The following PRAMEF12 variants were observed in gnomAD, a reference collection of about 807,000 sequenced individuals.
PRAMEF12 encodes PRAME family member 12.
In PRAMEF12, 24 loss-of-function variants were observed where a neutral mutation model predicts 24.6. The ratio of observed to expected loss-of-function variants is 0.98; its 90% CI spans 0.71 to 1.37. The LOEUF is 1.37. Ranked by LOEUF, PRAMEF12 falls within the 40% of genes most tolerant of loss-of-function variation. The pLI is 0.00. For synonymous variants in PRAMEF12, 286 were observed against 242.6 expected, an observed-to-expected ratio of 1.18 and a Z score of -1.66; for missense variants, 646 against 580.3, an observed-to-expected ratio of 1.11 and a Z score of -1.16.
chr1:12,777,538 C>T lies in PRAMEF12; in HGVS notation c.1391C>T (p.Ser464Phe). The T allele has an allele frequency of 6.2e-7, 1 of 1,614,124 alleles. No individual in the cohort carries two copies. Among genetic ancestry groups the T allele is most frequent in the Non-Finnish European group, 8.5e-7 (1 of 1,180,010 alleles). Residue 464 changes from serine (S) to phenylalanine (F), a missense_variant, in exon 3 of 3, where the codon TCC becomes TTC. By Grantham distance (155) the Ser-to-Phe change is radical. Transcript: ENST00000357726. ...VPCPRCGIRA[S>F]YDLEPSHCLL... ...TGCCCTCGCTGTGGCATCAGGGCCT[C>T]CTATGACCTGGAGCCCAGTCACTGT... is the stretch of plus-strand genomic sequence containing the variant.
At position 12,777,130 on chromosome 1, in the gene PRAMEF12, G is replaced by A. The variant is rs1210973760; in HGVS notation, c.983G>A (p.Gly328Asp). 6.2e-7 allele frequency: 1 copy of A among 1,613,946 alleles called. No individual in the cohort carries two copies. Among genetic ancestry groups the A allele is most frequent in the Non-Finnish European group, 8.5e-7 (1 of 1,180,012 alleles). ...IRQLKELDLR[G>D]ITLTHFSPEP... is the part of the protein sequence containing the mutation. ...CAGCTAAAAGAGCTAGACCTGAGGG[G>A]CATCACACTGACCCATTTCAGTCCT... is the stretch of plus-strand genomic sequence containing the variant. Residue 328 changes from glycine (G) to aspartate (D), a missense_variant, in exon 3 of 3, where the codon GGC (glycine) becomes GAC (aspartate). By Grantham distance (94) the Gly-to-Asp change is moderately conservative. Coordinates refer to ENST00000357726, the MANE Select transcript of PRAMEF12 (RefSeq NM_001080830.5).
chr1:12,777,668 A>G lies in PRAMEF12; in HGVS notation c.*69A>G. On this transcript the variant is annotated 3_prime_UTR_variant, in exon 3 of 3. Coordinates refer to ENST00000357726, the MANE Select transcript of PRAMEF12 (RefSeq NM_001080830.5). ...TGTATGTCAAAGGGAGCACAGACCC[A>G]TCGTTTCATATGCCTGCTCAATGTG... The G allele has an allele frequency of 6.5e-7, 1 of 1,532,770 alleles. No homozygotes were observed. Among genetic ancestry groups the G allele is most frequent in the East Asian group, 2.3e-5 (1 of 44,318 alleles). The allele number at this position is 1,532,770 out of a possible 1,614,324, so 94.9% of individuals were successfully genotyped here. A position where few individuals can be genotyped will look rare whatever the true frequency, so the allele number is the denominator to read the frequency against.
In PRAMEF12 at chr1:12,775,946, A is replaced by G. The variant is rs202183364; in HGVS notation, c.691A>G (p.Asn231Asp). 6.2e-7 allele frequency: 1 copy of G among 1,614,014 alleles called. No homozygotes were observed. The highest frequency in any genetic ancestry group is 2.2e-5 in the East Asian group (1 of 44,866). ...CGCCCCTTACCTGGGCCAGATGAGG[A>G]ATCTCCGCAAACTTGTTCTCTTCAA... Reference protein sequence around the residue: ...RFAPYLGQMRNLRKLVLFNIH... With the variant: ...RFAPYLGQMRDLRKLVLFNIH... Residue 231 changes from asparagine (N) to aspartate (D), a missense_variant, in exon 2 of 3, where the codon AAT becomes GAT. Physicochemically the swap from Asn to Asp is conservative, Grantham distance 23 (BLOSUM62 1). Coordinates refer to ENST00000357726, the MANE Select transcript of PRAMEF12 (RefSeq NM_001080830.5).
At position 12,776,031 on chromosome 1, in the gene PRAMEF12, C is replaced by A; in HGVS notation, c.776C>A (p.Thr259Asn). 1.2e-6 allele frequency: 2 copies of A among 1,614,184 alleles called. No individual in the cohort carries two copies. Among genetic ancestry groups the A allele is most frequent in the Non-Finnish European group, 1.7e-6 (2 of 1,180,026 alleles). The stretch of plus-strand genomic sequence containing the variant: ...AAGGAGCAGTTTGTCATCCAGTTCA[C>A]CTCTCAGTTCCTCAAGCTGGACTAC... ...DRKEQFVIQF[T>N]SQFLKLDYFQ... The change falls in exon 2 of 3, where the codon ACC (threonine) becomes AAC (asparagine). Residue 259 changes from threonine to asparagine, a missense_variant. Transcript: ENST00000357726.
intron 2 of PRAMEF12, among the ~76,000 whole-genome samples, chr1:12,776,324 G>A (rs1356715490): frequency 6.6e-6 from 1 of 152,066 alleles, no homozygotes. Flanking sequence ...GGATCTCCTG[G>A]GCTAGATGCT....
At chr1:12,775,477 T>G in intron 1 of PRAMEF12, 66 bp from the exon 2 acceptor site, 1 of 1,430,716 alleles carries the variant, frequency 7.0e-7, no homozygotes, top group Non-Finnish European at 9.6e-7. Context: ...GTCGCTGATG[T>G]CCGGGATGTG....
chr1:12,776,783 T>C (rs528549599), intron 2 of PRAMEF12, among the ~76,000 whole-genome samples: 1 of 152,150 alleles, frequency 6.6e-6, no homozygotes, highest in South Asian at 2.1e-4. Context: ...ACCTGACACA[T>C]GAGGAAAGGG....
rs143218621 is a variant in PRAMEF12, at chr1:12,775,723, G to A, written c.468G>A (p.Gly156=). The change falls in exon 2 of 3, where the codon GGG becomes GGA. Residue 156 remains glycine, a synonymous_variant. Coordinates refer to ENST00000357726, the MANE Select transcript of PRAMEF12 (RefSeq NM_001080830.5). ...TCCTAGACCTTTGCTTCAAGAATGG[G>A]ACGCTGGATGAATGCCTCACCCACT... ...MVILDLCFKN[G]TLDECLTHFL... 2.6e-4 allele frequency: 426 copies of A among 1,613,858 alleles called. 2 individuals are homozygous for A. In the African/African-American group the frequency reaches 4.6e-3, roughly 17 times the overall value.
rs1639079454 is a variant in PRAMEF12, at chr1:12,777,753, C to A, written c.*154C>A. The A allele has an allele frequency of 1.2e-6, 1 of 811,980 alleles. No individual in the cohort carries two copies. Among genetic ancestry groups the A allele is most frequent in the Non-Finnish European group, 1.9e-6 (1 of 518,086 alleles). The allele number at this position is 811,980 out of a possible 1,614,324, so 50.3% of individuals were successfully genotyped here. ...ACTGGGGGAAAAGTTGAGTTGGAGT[C>A]AATAGGAGCTTTAGAGACCTGTGTC... On this transcript the variant is annotated 3_prime_UTR_variant, in exon 3 of 3. Transcript: ENST00000357726.
At position 12,775,884 on chromosome 1, in the gene PRAMEF12, T is replaced by A. The variant is rs1462262971; in HGVS notation, c.629T>A (p.Val210Glu). The A allele has an allele frequency of 3.1e-6, 5 of 1,613,920 alleles. No individual in the cohort carries two copies. The African/African-American group carries it at 6.7e-5, about 22-fold the overall frequency. The change falls in exon 2 of 3, where the codon GTG becomes GAG. Residue 210 changes from valine to glutamate, a missense_variant. By Grantham distance (121) the Val-to-Glu change is moderately radical. Coordinates refer to ENST00000357726, the MANE Select transcript of PRAMEF12 (RefSeq NM_001080830.5). The stretch of plus-strand genomic sequence containing the variant: ...CTAGACTGTATCCAGGAGGTGGAAG[T>A]GTGCTGCCCGTGGGAGCTGTCCATT... Reference protein sequence around the residue: ...VELDCIQEVEVCCPWELSILI... With the variant: ...VELDCIQEVEECCPWELSILI...
rs1417725663 is a variant in PRAMEF12 at position 12,775,926 on chromosome 1, C to A, written c.671C>A (p.Pro224His). The A allele has an allele frequency of 1.3e-5, 21 of 1,614,136 alleles. No homozygotes were observed. In the East Asian group the frequency reaches 4.0e-4, roughly 31 times the overall value. The change falls in exon 2 of 3, where the codon CCT (proline) becomes CAT (histidine). Residue 224 changes from proline to histidine, a missense_variant. Coordinates refer to ENST00000357726, the MANE Select transcript of PRAMEF12 (RefSeq NM_001080830.5). ...WELSILIRFA[P>H]YLGQMRNLRK... ...CTGTCCATTCTTATAAGGTTCGCCC[C>A]TTACCTGGGCCAGATGAGGAATCTC... is the stretch of plus-strand genomic sequence containing the variant.
chr1:12,776,412 A>G (rs770364481), intron 2 of PRAMEF12, among the ~76,000 whole-genome samples: 1 of 152,050 alleles, frequency 6.6e-6, no homozygotes, highest in Admixed American at 6.6e-5. Context: ...CCTCCCGAGG[A>G]TGTGTGTCTA....
intron 1 of PRAMEF12, 75 bp from the exon 2 acceptor site, chr1:12,775,468 T>A: frequency 7.4e-7 from 1 of 1,344,112 alleles, no homozygotes; most frequent in Non-Finnish European, 1.0e-6. Context: ...GGGAGGAGAG[T>A]CGCTGATGTC....
In PRAMEF12 at chr1:12,775,787, G is replaced by A. The variant is rs140215251; in HGVS notation, c.532G>A (p.Val178Met). The A allele has an allele frequency of 4.5e-5, 73 of 1,613,912 alleles. No individual in the cohort carries two copies. The African/African-American group carries it at 7.6e-4, about 17-fold the overall frequency. ...WGKQRKGLLH[V>M]CCKELQIFGI... is the part of the protein sequence containing the mutation. The stretch of plus-strand genomic sequence containing the variant: ...CAAGCAGAGAAAAGGCTTACTGCAC[G>A]TGTGTTGCAAGGAGCTGCAGATTTT... Residue 178 changes from valine to methionine, a missense_variant, in exon 2 of 3, where the codon GTG (valine) becomes ATG (methionine). By Grantham distance (21) the Val-to-Met change is conservative. Transcript: ENST00000357726.
In PRAMEF12 at chr1:12,775,695, T is replaced by G. The variant is rs751549144; in HGVS notation, c.440T>G (p.Val147Gly). The change falls in exon 2 of 3, where the codon GTG (valine) becomes GGG (glycine). Residue 147 changes from valine to glycine, a missense_variant. Coordinates refer to ENST00000357726, the MANE Select transcript of PRAMEF12 (RefSeq NM_001080830.5). ...PRPGGQQPLM[V>G]ILDLCFKNGT... ...CCGGGTGGGCAGCAGCCCTTGATGGTGATCCTAGACCTTTGCTTCAAGAAT... is the reference window on the plus strand; with the variant it reads ...CCGGGTGGGCAGCAGCCCTTGATGGGGATCCTAGACCTTTGCTTCAAGAAT... 4.3e-6 allele frequency: 7 copies of G among 1,613,860 alleles called. No homozygotes were observed. In the South Asian group the frequency reaches 7.7e-5, roughly 18 times the overall value.
Position 12,777,269 on chromosome 1 carries a change from C to T in PRAMEF12, c.1122C>T (p.Arg374=), listed in dbSNP as rs761680672. ...QLSAILPALS[R]CSQLSTFSFC... ...GCGCCATCCTGCCTGCCCTGAGCCGCTGCTCCCAGCTCAGCACCTTCAGCT... is the reference window on the plus strand; with the variant it reads ...GCGCCATCCTGCCTGCCCTGAGCCGTTGCTCCCAGCTCAGCACCTTCAGCT... Residue 374 remains arginine, a synonymous_variant, in exon 3 of 3, where the codon CGC becomes CGT. Transcript: ENST00000357726. 37 of 1,612,394 alleles carry T rather than the reference C, an allele frequency of 2.3e-5. No individual in the cohort carries two copies. The highest frequency in any genetic ancestry group is 3.0e-5 in the Non-Finnish European group (35 of 1,179,910).
chr1:12,775,785 A>G lies in PRAMEF12; in HGVS notation c.530A>G (p.His177Arg). The G allele has an allele frequency of 6.2e-7, 1 of 1,613,858 alleles. No homozygotes were observed. ...EWGKQRKGLLHVCCKELQIFG... is the reference protein window; with the variant it reads ...EWGKQRKGLLRVCCKELQIFG... ...GGCAAGCAGAGAAAAGGCTTACTGC[A>G]CGTGTGTTGCAAGGAGCTGCAGATT... The change falls in exon 2 of 3, where the codon CAC becomes CGC. Residue 177 changes from histidine to arginine, a missense_variant. By Grantham distance (29) the His-to-Arg change is conservative. Coordinates refer to ENST00000357726, the MANE Select transcript of PRAMEF12 (RefSeq NM_001080830.5).
chr1:12,775,349 C>T (rs1016163895), intron 1 of PRAMEF12, among the ~76,000 whole-genome samples, 194 bp from the exon 2 acceptor site: 1 of 152,150 alleles, frequency 6.6e-6, no homozygotes, highest in Non-Finnish European at 1.5e-5. Context: ...ACTGAAGGAT[C>T]AGGAACCTGC....
In PRAMEF12 at chr1:12,775,836, T is replaced by C. The variant is rs775456353; in HGVS notation, c.581T>C (p.Ile194Thr). 28 of 1,613,944 alleles carry C rather than the reference T, an allele frequency of 1.7e-5. 1 individual carries two copies. In the South Asian group the frequency reaches 2.7e-4, roughly 16 times the overall value. ...TTTGGAATAGCCATCCACAGGATCA[T>C]AGAGGTCCTGAACACGGTGGAGCTA... is the stretch of plus-strand genomic sequence containing the variant. ...QIFGIAIHRI[I>T]EVLNTVELDC... The change falls in exon 2 of 3, where the codon ATA becomes ACA. Residue 194 changes from isoleucine to threonine, a missense_variant. Coordinates refer to ENST00000357726, the MANE Select transcript of PRAMEF12 (RefSeq NM_001080830.5).
Sources: gnomAD v4.1 joint callset for allele counts (sites outside exome capture counted in the v4.1 genomes callset) on GRCh38, gnomAD v4.1.1 for gene constraint, MANE v1.5 for transcripts, NCBI Gene and HGNC (gene_info 2026-07-23, HGNC 2026-07-21) for gene names.